The following MYO1E variants were observed in gnomAD, a reference collection of about 807,000 sequenced individuals.
MYO1E encodes myosin IE.
MYO1E carries 68 observed loss-of-function variants against 151.1 expected under a neutral mutation model. The observed-to-expected ratio is 0.45, with a 90% CI of 0.37 to 0.55. The LOEUF (loss-of-function observed/expected upper bound fraction) is 0.55. MYO1E is among the 20% of genes least tolerant of loss of function. The probability of loss-of-function intolerance (pLI) is 0.00; values close to 1 mark genes in which losing one functional copy is unlikely to be tolerated. For missense variants in MYO1E, 1,363 were observed against 1,389.3 expected (o/e 0.98, Z 0.30); for synonymous variants, 601 against 501.7 (o/e 1.20, Z -2.64).
chr15:59,303,347 G>A (rs569157370), intron 1 of MYO1E, among the ~76,000 whole-genome samples: 5 of 152,196 alleles, frequency 3.3e-5, no homozygotes, highest in African/African-American at 7.2e-5. Context: ...CCAGGAGGTC[G>A]AGGCTGCAGT....
chr15:59,219,607 T>A (rs2079941281), intron 9 of MYO1E, among the ~76,000 whole-genome samples: 1 of 152,218 alleles, frequency 6.6e-6, no homozygotes, highest in South Asian at 2.1e-4. Context: ...ATATGAGTGT[T>A]TCACAAAAAT....
In MYO1E at chr15:59,241,480, T is replaced by C. The variant is rs1412968747; in HGVS notation, c.333-4808A>G. Among the ~76,000 whole-genome samples the C allele has an allele frequency of 2.6e-5, 4 of 152,114 alleles. No homozygotes were observed. In the East Asian group the frequency reaches 7.7e-4, roughly 29 times the overall value. On this transcript the variant is annotated intron_variant, in intron 4 of 27. Transcript: ENST00000288235. ...GCCAAGGCGGGTGGATCACCTTAAG[T>C]CAGGAGTTCAAGAGCAGCAAGAGCA...
intron 1 of MYO1E, among the ~76,000 whole-genome samples, chr15:59,321,856 A>T (rs2080628364): frequency 6.6e-6 from 1 of 152,016 alleles, no homozygotes; most frequent in Non-Finnish European, 1.5e-5. Context: ...ACAGAGTGAG[A>T]CCCTGGCTCA....
rs561594642 is a variant in MYO1E, at chr15:59,159,721, T to C, written c.2786-1342A>G. 7.9e-5 allele frequency among the ~76,000 whole-genome samples: 12 copies of C among 152,330 alleles called. No homozygotes were observed. Among genetic ancestry groups the C allele is most frequent in the African/African-American group, 2.6e-4 (11 of 41,574 alleles). The stretch of plus-strand genomic sequence containing the variant: ...GCAAGTACTAACGGATACACAGACA[T>C]ACATCAACATTTTCTGAGTGGCTCT... On this transcript the variant is annotated intron_variant, in intron 24 of 27. Coordinates refer to ENST00000288235, the MANE Select transcript of MYO1E (RefSeq NM_004998.4). The surrounding 1 kb of genome is among the most constrained non-coding windows in gnomAD (Gnocchi z 4.4).
At chr15:59,221,422 T>C (rs767535668) in intron 9 of MYO1E, among the ~76,000 whole-genome samples, 2 of 152,080 alleles carry the variant, frequency 1.3e-5, no homozygotes, top group Non-Finnish European at 2.9e-5. Flanking sequence ...GGAACACACA[T>C]CCTTTAAAGG....
At chr15:59,342,954 T>C (rs1453969317) in intron 1 of MYO1E, among the ~76,000 whole-genome samples, 4 of 152,190 alleles carry the variant, frequency 2.6e-5, no homozygotes. Context: ...TTTCTATTTA[T>C]CTTACTGTAC....
intron 25 of MYO1E, among the ~76,000 whole-genome samples, chr15:59,155,334 G>C (rs2079503875): frequency 6.6e-6 from 1 of 152,172 alleles, no homozygotes; most frequent in Non-Finnish European, 1.5e-5. Context: ...TATATGTTTT[G>C]AAAATTCCAT....
intron 22 of MYO1E, among the ~76,000 whole-genome samples, chr15:59,167,514 C>A (rs1000299698): frequency 6.6e-6 from 1 of 152,184 alleles, no homozygotes; most frequent in African/African-American, 2.4e-5. Flanking sequence ...AGAAGCAACT[C>A]TGGGAGGATC....
intron 10 of MYO1E, among the ~76,000 whole-genome samples, chr15:59,217,511 C>T (rs1018964558): frequency 1.0e-4 from 7 of 68,536 alleles, no homozygotes; most frequent in African/African-American, 1.7e-4. Flanking sequence ...AACCCTCAGT[C>T]GTTTTACCTT....
At chr15:59,277,939 TGTAACC>T (rs2080330776) in intron 1 of MYO1E, among the ~76,000 whole-genome samples, 1 of 152,252 alleles carries the variant, frequency 6.6e-6, no homozygotes, top group Non-Finnish European at 1.5e-5. Context: ...TTAGGAGAAA[TGTAACC>T]TTTATTTTCC....
chr15:59,225,801 C>G (rs1453351100), intron 7 of MYO1E, among the ~76,000 whole-genome samples: 3 of 152,112 alleles, frequency 2.0e-5, no homozygotes, highest in Admixed American at 1.3e-4. Context: ...CGCCCACCAC[C>G]ACGGCCAGCT....
chr15:59,253,273 CCAAG>C (rs2080175434), intron 4 of MYO1E, among the ~76,000 whole-genome samples: 1 of 152,020 alleles, frequency 6.6e-6, no homozygotes, highest in African/African-American at 2.4e-5. Context: ...TTGAAGGTGA[CCAAG>C]CAAAAGAACT....
At chr15:59,206,041 T>C (rs1385771445) in intron 14 of MYO1E, among the ~76,000 whole-genome samples, 1 of 152,048 alleles carries the variant, frequency 6.6e-6, no homozygotes, top group East Asian at 1.9e-4. Context: ...GACCAGGGGA[T>C]TTCCATAGCA....
intron 1 of MYO1E, among the ~76,000 whole-genome samples, chr15:59,282,284 C>T (rs1308193220): frequency 6.6e-6 from 1 of 152,208 alleles, no homozygotes; most frequent in African/African-American, 2.4e-5. Context: ...GAATTCCCTG[C>T]ACTTTCCATC....
chr15:59,148,397 G>C (rs1288358777), intron 26 of MYO1E, among the ~76,000 whole-genome samples: 2 of 152,194 alleles, frequency 1.3e-5, no homozygotes, highest in African/African-American at 4.8e-5. Context: ...AGTCTATGTC[G>C]GGGGAGCTAG....
chr15:59,237,882 G>A (rs992968910), intron 4 of MYO1E, among the ~76,000 whole-genome samples: 2 of 152,144 alleles, frequency 1.3e-5, no homozygotes, highest in South Asian at 2.1e-4. Flanking sequence ...GCCATATAGC[G>A]AAACTCAGAA....
intron 26 of MYO1E, 59 bp from the exon 27 acceptor site, chr15:59,138,426 G>A (rs1259877539): frequency 8.2e-6 from 13 of 1,593,018 alleles, no homozygotes; most frequent in East Asian, 4.5e-5. Flanking sequence ...AGCACCGAAC[G>A]GTGGTTTGGA....
intron 1 of MYO1E, among the ~76,000 whole-genome samples, chr15:59,322,918 T>G (rs1316865881): frequency 6.6e-6 from 1 of 151,788 alleles, no homozygotes; most frequent in African/African-American, 2.4e-5. Flanking sequence ...TTCCAGCACT[T>G]TGGGAGGACG....
At chr15:59,171,182 C>G (rs2079591550) in intron 22 of MYO1E, 1 of 156,156 alleles carries the variant, frequency 6.4e-6, no homozygotes, top group African/African-American at 2.4e-5. Context: ...CATGGGAGGA[C>G]TCCTAGTCTG....
Sources: allele counts gnomAD v4.1 joint callset (sites outside exome capture counted in the v4.1 genomes callset), GRCh38; gene constraint gnomAD v4.1.1; non-coding constraint Gnocchi (gnomAD v3.1); transcripts MANE v1.5; gene names NCBI Gene and HGNC (gene_info 2026-07-23, HGNC 2026-07-21).